Variants in LCOR observed in about 807,000 individuals in gnomAD.
LCOR encodes the protein ligand dependent nuclear receptor corepressor, also known as ligand-dependent corepressor.
A neutral mutation model predicts 64.4 loss-of-function variants in LCOR; 14 were observed. The observed-to-expected ratio is 0.22, with a 90% CI of 0.14 to 0.34. The LOEUF (loss-of-function observed/expected upper bound fraction) is 0.34, where lower values mean the gene tolerates loss of function less well. Ranked by LOEUF, LCOR falls within the 10% of genes least tolerant of loss-of-function variation. The pLI is 1.00. For synonymous variants in LCOR, 643 were observed against 642.5 expected, an observed-to-expected ratio of 1.00 and a Z score of -0.01; for missense variants, 1,686 against 1,765.3, an observed-to-expected ratio of 0.96 and a Z score of 0.80.
chr10:96,842,526 A>G (rs1180391861), intron 2 of LCOR, among the ~76,000 whole-genome samples: 4 of 152,228 alleles, frequency 2.6e-5, no homozygotes, highest in Admixed American at 6.5e-5. Flanking sequence ...ACTTTACAAC[A>G]TAATTCATAT....
At chr10:96,891,805 A>G (rs1280973304) in intron 2 of LCOR, among the ~76,000 whole-genome samples, 3 of 151,952 alleles carry the variant, frequency 2.0e-5, no homozygotes, top group Non-Finnish European at 4.4e-5. Flanking sequence ...GGCCTCCCAT[A>G]GTGCTGGGAT....
At chr10:96,940,303 A>ATTTTTTTTTTTT (rs552752409) in intron 4 of LCOR, among the ~76,000 whole-genome samples, 6 of 65,452 alleles carry the variant, frequency 9.2e-5, no homozygotes, top group South Asian at 7.0e-4. Context: ...GGTGGTCATG[A>ATTTTTTTTTTTT]TTTTTTTTTT....
At chr10:96,965,661 CAAAAAAA>C (rs755222216) in intron 7 of LCOR, among the ~76,000 whole-genome samples, 4 of 65,322 alleles carry the variant, frequency 6.1e-5, no homozygotes, top group African/African-American at 1.6e-4. Flanking sequence ...GACTCTGTCT[CAAAAAAA>C]AAAAAAAAAA....
intron 6 of LCOR, among the ~76,000 whole-genome samples, chr10:96,950,416 T>C (rs1847658558): frequency 6.6e-6 from 1 of 152,160 alleles, no homozygotes; most frequent in Non-Finnish European, 1.5e-5. Flanking sequence ...GTATCTTTTA[T>C]TGATGACTGT....
chr10:96,885,839 G>A (rs1297741011), intron 2 of LCOR, among the ~76,000 whole-genome samples: 1 of 151,620 alleles, frequency 6.6e-6, no homozygotes, highest in Non-Finnish European at 1.5e-5. Flanking sequence ...TTATATTTTT[G>A]TTAAAAAGGG....
intron 4 of LCOR, among the ~76,000 whole-genome samples, chr10:96,908,395 G>C (rs766403536): frequency 1.3e-5 from 2 of 152,202 alleles, no homozygotes; most frequent in African/African-American, 4.8e-5. Context: ...AGTAATGGGA[G>C]TTATTTTTAG....
At chr10:96,890,892 T>A (rs999196580) in intron 2 of LCOR, among the ~76,000 whole-genome samples, 3 of 152,222 alleles carry the variant, frequency 2.0e-5, no homozygotes, top group Non-Finnish European at 4.4e-5. Flanking sequence ...CTTGCATCTC[T>A]GGGATAATTC....
In LCOR at chr10:96,985,437, CA is replaced by C. The variant is rs754851180; in HGVS notation, c.*307del. 2.1e-5 allele frequency: 5 copies of C among 239,890 alleles called. No homozygotes were observed. The highest frequency in any genetic ancestry group is 1.1e-4 in the African/African-American group (5 of 43,870). 14.9% of individuals were successfully genotyped at this position (239,890 alleles called of 1,614,324 possible). Reference sequence around the variant, plus strand: ...TTTATCCTTTTTGTTTTTAAATTTACAAAAGCTAAAAAGCTGATCTATGTGA... The same window carrying C: ...TTTATCCTTTTTGTTTTTAAATTTACAAAGCTAAAAAGCTGATCTATGTGA... On this transcript the variant is annotated 3_prime_UTR_variant, in exon 8 of 8. Transcript: ENST00000421806.
chr10:96,955,969 T>C, intron 7 of LCOR: 1 of 1,559,244 alleles, frequency 6.4e-7, no homozygotes, highest in Non-Finnish European at 8.6e-7. Flanking sequence ...TGAGCACTAC[T>C]GCATCATTGT....
rs145912175 is a variant in LCOR, at chr10:96,980,456, A to C, written c.333-337A>C. 3.3e-3 allele frequency among the ~76,000 whole-genome samples: 501 copies of C among 152,360 alleles called. 3 individuals are homozygous for C. Among genetic ancestry groups the C allele is most frequent in the African/African-American group, 0.012 (482 of 41,596 alleles). On this transcript the variant is annotated intron_variant, in intron 7 of 7. Coordinates refer to ENST00000421806, the MANE Select transcript of LCOR (RefSeq NM_001346516.2). ...CGTCACTAAAATTTGAGGCTATAAC[A>C]GGCTGACCTTATAATTAGGTAAATA...
chr10:96,835,239 T>G (rs1309339786), intron 2 of LCOR, among the ~76,000 whole-genome samples: 6 of 152,332 alleles, frequency 3.9e-5, no homozygotes, highest in Non-Finnish European at 7.3e-5. Flanking sequence ...GATAAATTAT[T>G]TCTGTAAATA....
intron 2 of LCOR, among the ~76,000 whole-genome samples, chr10:96,875,208 C>T (rs529010606): frequency 1.1e-4 from 17 of 151,864 alleles, no homozygotes; most frequent in Non-Finnish European, 1.3e-4. Context: ...CATGGTGAAA[C>T]CCCGTCTCTA....
intron 2 of LCOR, among the ~76,000 whole-genome samples, chr10:96,870,183 C>G (rs762323757): frequency 6.6e-6 from 1 of 151,588 alleles, no homozygotes; most frequent in African/African-American, 2.4e-5. Flanking sequence ...CCACCACGCC[C>G]GGCTAATTTT....
At chr10:96,832,444 C>A in intron 1 of LCOR, 45 bp downstream of exon 1, 1 of 793,924 alleles carries the variant, frequency 1.3e-6, no homozygotes, top group South Asian at 5.5e-5. Flanking sequence ...GCCGCCCCGC[C>A]GCCGGTCGCC....
intron 2 of LCOR, among the ~76,000 whole-genome samples, chr10:96,881,406 G>A (rs1483116215): frequency 6.6e-6 from 1 of 151,988 alleles, no homozygotes; most frequent in African/African-American, 2.4e-5. Context: ...TGTGAATGTG[G>A]CAGATATCAA....
At position 96,843,794 on chromosome 10, in the gene LCOR, C is replaced by T. The variant is rs185026356; in HGVS notation, c.-330+10315C>T. Among the ~76,000 whole-genome samples the T allele has an allele frequency of 3.3e-3, 505 of 152,252 alleles. 3 individuals are homozygous for T. Among genetic ancestry groups the T allele is most frequent in the African/African-American group, 0.01 (434 of 41,548 alleles). ...TTTTGTATGGCACCATCTTCCTTTT[C>T]CCACCTCGCATCCCCATCAAGTGGT... On this transcript the variant is annotated intron_variant, in intron 2 of 7. Transcript: ENST00000421806.
At chr10:96,897,052 T>TGAGAGAGA in intron 2 of LCOR, among the ~76,000 whole-genome samples, 1 of 124,246 alleles carries the variant, frequency 8.0e-6, no homozygotes, top group South Asian at 2.5e-4. Context: ...TCCCAAGGAA[T>TGAGAGAGA]GAGAGAGAGA....
Position 96,922,241 on chromosome 10 carries a change from A to G in LCOR, c.-184+14494A>G, listed in dbSNP as rs1195276118. On this transcript the variant is annotated intron_variant, in intron 4 of 7. Coordinates refer to ENST00000421806, the MANE Select transcript of LCOR (RefSeq NM_001346516.2). ...TTTTTTTTTTCTAAATTTAAAATCA[A>G]CAACTATATATTTCGTTCTTCCTAC... Among the ~76,000 whole-genome samples the G allele has an allele frequency of 2.0e-5, 3 of 152,170 alleles. No individual in the cohort carries two copies. In the East Asian group the frequency reaches 5.8e-4, roughly 29 times the overall value.
At chr10:96,976,488 C>T (rs967479701) in intron 7 of LCOR, among the ~76,000 whole-genome samples, 8 of 152,184 alleles carry the variant, frequency 5.3e-5, no homozygotes, top group African/African-American at 1.7e-4. Context: ...TTCCTACCTA[C>T]CTGTGGCTGT....
Sources: gnomAD v4.1 joint callset for allele counts (sites outside exome capture counted in the v4.1 genomes callset) on GRCh38, gnomAD v4.1.1 for gene constraint, MANE v1.5 for transcripts, NCBI Gene and HGNC (gene_info 2026-07-23, HGNC 2026-07-21) for gene names.